The following SHTN1 variants were observed in gnomAD, a reference collection of about 807,000 sequenced individuals.
SHTN1 encodes shootin 1, also known as shootin-1.
In SHTN1, 42 loss-of-function variants were observed where a neutral mutation model predicts 83.1. That is an observed-to-expected ratio of 0.51 (90% CI 0.39 to 0.65). The LOEUF (loss-of-function observed/expected upper bound fraction) is 0.65, where lower values mean the gene tolerates loss of function less well. Among genes scored for constraint, SHTN1 ranks in the 30% least tolerant of loss-of-function variants. The probability of loss-of-function intolerance (pLI) is 0.00; values close to 1 mark genes in which losing one functional copy is unlikely to be tolerated. For missense variants in SHTN1, 622 were observed against 737.8 expected, an observed-to-expected ratio of 0.84 and a Z score of 1.82; for synonymous variants, 224 against 247.7, an observed-to-expected ratio of 0.90 and a Z score of 0.90.
intron 14 of SHTN1, 167 bp downstream of exon 14, chr10:116,911,623 A>G (rs1848200721): frequency 1.9e-6 from 3 of 1,553,850 alleles, no homozygotes; most frequent in Admixed American, 2.0e-5. Flanking sequence ...AATTATTAAC[A>G]TATGTGATGG....
At chr10:117,043,199 T>C (rs1487728593) in intron 2 of SHTN1, among the ~76,000 whole-genome samples, 1 of 151,898 alleles carries the variant, frequency 6.6e-6, no homozygotes, top group Non-Finnish European at 1.5e-5. Flanking sequence ...AGTGGCACAA[T>C]CTCAGCTCAC....
At position 116,930,655 on chromosome 10, in the gene SHTN1, A is replaced by G. The variant is rs977236369; in HGVS notation, c.859-653T>C. ...ACGGATGGGCATTGAGGTTGACTCC[A>G]TGACTTTGCTGTTGCATATAGTGCT... is the stretch of plus-strand genomic sequence containing the variant. On this transcript the variant is annotated intron_variant, in intron 9 of 16. Coordinates refer to ENST00000355371, the MANE Select transcript of SHTN1 (RefSeq NM_001127211.3). 7.9e-5 allele frequency among the ~76,000 whole-genome samples: 12 copies of G among 152,168 alleles called. No homozygotes were observed. The East Asian group carries it at 2.3e-3, about 29-fold the overall frequency.
chr10:116,997,821 G>A (rs1012926506), intron 1 of SHTN1, among the ~76,000 whole-genome samples: 24 of 152,138 alleles, frequency 1.6e-4, no homozygotes, highest in African/African-American at 2.7e-4. Context: ...GGCCAGGCGC[G>A]ATGGCTCACG....
At chr10:117,100,021 T>C (rs1853565754) in intron 1 of SHTN1, among the ~76,000 whole-genome samples, 1 of 151,538 alleles carries the variant, frequency 6.6e-6, no homozygotes. Context: ...CTACTAAAAA[T>C]ATAAAATTAG....
intron 1 of SHTN1, among the ~76,000 whole-genome samples, chr10:116,986,485 A>G (rs998514069): frequency 2.6e-5 from 4 of 152,140 alleles, no homozygotes; most frequent in Non-Finnish European, 4.4e-5. Context: ...AGGGGGACAT[A>G]GCCTTAGAGG....
chr10:116,983,130 C>T (rs936360736), intron 1 of SHTN1, among the ~76,000 whole-genome samples: 7 of 152,114 alleles, frequency 4.6e-5, no homozygotes, highest in African/African-American at 1.7e-4. Flanking sequence ...TAATGACAGC[C>T]GAGCACTTAC....
At chr10:117,039,432 C>T (rs1340351259) in intron 2 of SHTN1, among the ~76,000 whole-genome samples, 1 of 152,046 alleles carries the variant, frequency 6.6e-6, no homozygotes, top group African/African-American at 2.4e-5. Flanking sequence ...TTGTCCAAAC[C>T]CATAGGCTCT....
intron 7 of SHTN1, 68 bp from the exon 8 acceptor site, chr10:116,945,086 A>G: frequency 1.0e-6 from 1 of 973,012 alleles, no homozygotes; most frequent in Non-Finnish European, 1.6e-6. Flanking sequence ...ATATGGATGA[A>G]AAACAGTGTT....
chr10:116,983,684 ATAAATACATACATACATAC>A (rs1564913720), intron 1 of SHTN1, among the ~76,000 whole-genome samples: 1,263 of 83,304 alleles, frequency 0.015, 13 homozygotes, highest in African/African-American at 0.028. Flanking sequence ...AGATAGATAG[ATAAATACATACATACATAC>A]ATACATACAT....
At chr10:117,082,002 AT>A (rs1285264210) in intron 1 of SHTN1, among the ~76,000 whole-genome samples, 1 of 134,270 alleles carries the variant, frequency 7.4e-6, no homozygotes, top group South Asian at 2.7e-4. Flanking sequence ...GGATTCATTA[AT>A]TTTTTGAAGG....
At chr10:116,953,591 AG>A (rs917989788) in intron 5 of SHTN1, among the ~76,000 whole-genome samples, 1 of 143,992 alleles carries the variant, frequency 6.9e-6, no homozygotes, top group African/African-American at 2.5e-5. Flanking sequence ...AATTTTGGAT[AG>A]GGTAGGACCC....
At chr10:116,899,876 ATAACCCTTC>A (rs1847670374) in intron 16 of SHTN1, among the ~76,000 whole-genome samples, 1 of 152,240 alleles carries the variant, frequency 6.6e-6, no homozygotes, top group Non-Finnish European at 1.5e-5. Context: ...AGCACTGAAA[ATAACCCTTC>A]TCATTCCTGG....
chr10:116,940,779 ATATAATCTT>A (rs1849340053), intron 8 of SHTN1, among the ~76,000 whole-genome samples, 167 bp from the exon 9 acceptor site: 1 of 152,170 alleles, frequency 6.6e-6, no homozygotes, highest in South Asian at 2.1e-4. Context: ...CATTCCTTTT[ATATAATCTT>A]TAATACCTTT....
intron 16 of SHTN1, among the ~76,000 whole-genome samples, chr10:116,899,083 AT>A (rs1470901526): frequency 1.3e-5 from 2 of 152,232 alleles, no homozygotes; most frequent in East Asian, 1.9e-4. Context: ...AAAAGAATTT[AT>A]TGAAAGCCTA....
chr10:116,928,034 G>A, intron 10 of SHTN1, 143 bp from the exon 11 acceptor site: 2 of 893,186 alleles, frequency 2.2e-6, no homozygotes, highest in East Asian at 2.7e-5. Flanking sequence ...TGAAATTACA[G>A]ACCTTTTTAA....
intron 1 of SHTN1, among the ~76,000 whole-genome samples, chr10:117,091,851 G>A (rs1853434878): frequency 6.6e-6 from 1 of 152,112 alleles, no homozygotes. Context: ...CTGCCAGAAT[G>A]AGCCTAGTTC....
intron 3 of SHTN1, among the ~76,000 whole-genome samples, chr10:116,964,474 T>C (rs886687364): frequency 9.2e-5 from 14 of 152,356 alleles, no homozygotes; most frequent in Non-Finnish European, 8.8e-5. Flanking sequence ...ATGTTGCTTC[T>C]AGAGCAAATC....
intron 1 of SHTN1, among the ~76,000 whole-genome samples, chr10:116,989,813 T>C (rs552791748): frequency 2.0e-4 from 30 of 152,372 alleles, no homozygotes; most frequent in African/African-American, 5.8e-4. Flanking sequence ...GCGATGTGCA[T>C]TGCATGTGTT....
chr10:116,948,963 T>C lies in SHTN1; in HGVS notation c.569A>G (p.Asn190Ser). 6.4e-7 allele frequency: 1 copy of C among 1,573,988 alleles called. No homozygotes were observed. The highest frequency in any genetic ancestry group is 8.6e-7 in the Non-Finnish European group (1 of 1,160,464). ...TTTTCTCTGTTCAAGAACTTCTGAA[T>C]TTAAAACAGTCTTTTCTTGTTTAAC... ...NKVKQEKTVL[N>S]SEVLEQRKVL... is the part of the protein sequence containing the mutation. Residue 190 changes from asparagine to serine, a missense_variant, in exon 7 of 17, where the codon AAT becomes AGT. By Grantham distance (46) the Asn-to-Ser change is conservative. Transcript: ENST00000355371.
Sources: gnomAD v4.1 joint callset for allele counts (sites outside exome capture counted in the v4.1 genomes callset) on GRCh38, gnomAD v4.1.1 for gene constraint, MANE v1.5 for transcripts, NCBI Gene and HGNC (gene_info 2026-07-23, HGNC 2026-07-21) for gene names.